The following MYO16 variants were observed in gnomAD, a reference collection of about 807,000 sequenced individuals.
The protein encoded by MYO16 is myosin XVI.
In MYO16, 94 loss-of-function variants were observed where a neutral mutation model predicts 205.3. The observed-to-expected ratio is 0.46, with a 90% CI of 0.39 to 0.54. The LOEUF (loss-of-function observed/expected upper bound fraction) is 0.54. Ranked by LOEUF, MYO16 falls within the 20% of genes least tolerant of loss-of-function variation. The pLI is 0.00. For missense variants in MYO16, 2,315 were observed against 2,387.5 expected (o/e 0.97, Z 0.63); for synonymous variants, 988 against 954.0 (o/e 1.04, Z -0.66).
chr13:108,909,088 A>C (rs569544676), intron 15 of MYO16, among the ~76,000 whole-genome samples: 42 of 152,290 alleles, frequency 2.8e-4, no homozygotes, highest in African/African-American at 9.1e-4. Flanking sequence ...CAAATGCTCC[A>C]GAAACAATGA....
chr13:108,521,192 C>T, the MYO16 span, among the ~76,000 whole-genome samples: 1 of 152,200 alleles, frequency 6.6e-6, no homozygotes, highest in African/African-American at 2.4e-5. Context: ...GTGTGACAGC[C>T]TATCTCAGGA....
rs1014132365 is a variant in MYO16 at position 109,162,226 on chromosome 13, CAGTTGTGA to C, written c.5165-2674_5165-2667del. On this transcript the variant is annotated intron_variant, in intron 32 of 34. Coordinates refer to ENST00000457511, the MANE Select transcript of MYO16 (RefSeq NM_001198950.3). This position sits in a 1 kb window ranked among gnomAD's most constrained non-coding sequence, Gnocchi z 4.6. ...ATACATCAGTTGATGAGATAGAAAT[CAGTTGTGA>C]GGGAGGCCAGCCTGAAGTACTCAGA... 2.0e-5 allele frequency among the ~76,000 whole-genome samples: 3 copies of C among 152,186 alleles called. No individual in the cohort carries two copies. The highest frequency in any genetic ancestry group is 4.4e-5 in the Non-Finnish European group (3 of 68,030).
At chr13:108,982,308 A>G (rs1884472981) in intron 20 of MYO16, among the ~76,000 whole-genome samples, 1 of 152,178 alleles carries the variant, frequency 6.6e-6, no homozygotes, top group Non-Finnish European at 1.5e-5. Flanking sequence ...TCTAATAACC[A>G]TTTACTATAT....
intron 16 of MYO16, among the ~76,000 whole-genome samples, chr13:108,931,284 A>G (rs762646270): frequency 6.6e-6 from 1 of 152,334 alleles, no homozygotes; most frequent in Non-Finnish European, 1.5e-5. Context: ...ATCCCCTACC[A>G]GTTCCCAGAA....
At chr13:109,022,999 A>T (rs1289326348) in intron 23 of MYO16, among the ~76,000 whole-genome samples, 4 of 134,994 alleles carry the variant, frequency 3.0e-5, no homozygotes, top group African/African-American at 1.1e-4. Flanking sequence ...TTTATATATT[A>T]TATATACACA....
rs529736323 is a variant in MYO16, at chr13:109,112,332, G to A, written c.3439-8038G>A. Reference sequence around the variant, plus strand: ...ATGAGTTAAATTCTAGATTTTAGTCGGTAATAATCCTATATCAGAGGTGAT... The same window carrying A: ...ATGAGTTAAATTCTAGATTTTAGTCAGTAATAATCCTATATCAGAGGTGAT... On this transcript the variant is annotated intron_variant, in intron 28 of 34. Coordinates refer to ENST00000457511, the MANE Select transcript of MYO16 (RefSeq NM_001198950.3). Among the ~76,000 whole-genome samples, 11 of 152,100 alleles carry A rather than the reference G, an allele frequency of 7.2e-5. No homozygotes were observed. In the South Asian group the frequency reaches 1.5e-3, roughly 20 times the overall value.
Position 108,793,577 on chromosome 13 carries a change from T to G in MYO16, c.678T>G (p.Asp226Glu). ...AGAGACCAATGAGTATGTTAACAGA[T>G]GTCAAACACTTCTTATCATCTGGAG... ...KLQRPMSMLT[D>E]VKHFLSSGGN... The change falls in exon 6 of 35, where the codon GAT becomes GAG. Residue 226 changes from aspartate (D) to glutamate (E), a missense_variant. Asp to Glu is a conservative substitution (Grantham distance 45, BLOSUM62 2). This residue lies in a region of MYO16 where 1,213 missense variants were observed against 1,274.4 expected (regional missense o/e 0.95). Transcript: ENST00000457511. 1 of 1,613,764 alleles carries G rather than the reference T, an allele frequency of 6.2e-7. No homozygotes were observed. The highest frequency in any genetic ancestry group is 8.5e-7 in the Non-Finnish European group (1 of 1,179,688).
At chr13:109,053,090 A>C (rs1887300049) in intron 25 of MYO16, among the ~76,000 whole-genome samples, 1 of 152,154 alleles carries the variant, frequency 6.6e-6, no homozygotes, top group South Asian at 2.1e-4. Flanking sequence ...GGAATGTTTT[A>C]GGTTTCTTCA....
chr13:108,823,143 T>C lies in MYO16; in HGVS notation c.962T>C (p.Phe321Ser), dbSNP rs1274678178. The change falls in exon 9 of 35, where the codon TTT becomes TCT. Residue 321 changes from phenylalanine (F) to serine (S), a missense_variant. By Grantham distance (155) the Phe-to-Ser change is radical. Transcript: ENST00000457511. ...EKASDIAASE[F>S]IEEMLLKAEI... is the part of the protein sequence containing the mutation. ...CTTGTAGATATTGCTGCCTCTGAGTTTATTGAGGAAATGCTGCTGAAAGCC... is the reference window on the plus strand; with the variant it reads ...CTTGTAGATATTGCTGCCTCTGAGTCTATTGAGGAAATGCTGCTGAAAGCC... 1 of 1,611,258 alleles carries C rather than the reference T, an allele frequency of 6.2e-7. No individual in the cohort carries two copies. Among genetic ancestry groups the C allele is most frequent in the Non-Finnish European group, 8.5e-7 (1 of 1,179,364 alleles).
At position 109,127,502 on chromosome 13, in the gene MYO16, G is replaced by A; in HGVS notation, c.4003G>A (p.Glu1335Lys). 2 of 1,613,250 alleles carry A rather than the reference G, an allele frequency of 1.2e-6. No individual in the cohort carries two copies. Among genetic ancestry groups the A allele is most frequent in the Non-Finnish European group, 8.5e-7 (1 of 1,179,918 alleles). Residue 1335 changes from glutamate to lysine, a missense_variant, in exon 31 of 35, where the codon GAG becomes AAG. This residue lies in a region of MYO16 where 1,097 missense variants were observed against 1,092.0 expected (regional missense o/e 1.00). Transcript: ENST00000457511. This position sits in a 1 kb window ranked among gnomAD's most constrained non-coding sequence, Gnocchi z 4.2. The stretch of plus-strand genomic sequence containing the variant: ...CAACACCCGGCTGAGTGCTTCCTAT[G>A]AGGCTGTGAGCGCCTGCCTCTCCGC... ...DPNTRLSASYEAVSACLSAAR... is the reference protein window; with the variant it reads ...DPNTRLSASYKAVSACLSAAR...
intron 22 of MYO16, among the ~76,000 whole-genome samples, chr13:109,010,185 A>G (rs750503661): frequency 6.6e-6 from 1 of 152,154 alleles, no homozygotes. Flanking sequence ...AACTATGACA[A>G]CCTTTCACAT....
At chr13:108,728,784 C>T (rs1217595909) in intron 4 of MYO16, among the ~76,000 whole-genome samples, 3 of 149,016 alleles carry the variant, frequency 2.0e-5, no homozygotes, top group African/African-American at 5.0e-5. Flanking sequence ...CCAATAAGAT[C>T]GCATCTACAC....
At chr13:108,509,880 G>A in the MYO16 span, among the ~76,000 whole-genome samples, 16 of 151,726 alleles carry the variant, frequency 1.1e-4, no homozygotes, top group Admixed American at 6.6e-5. Context: ...TTCTTCCCCC[G>A]CCCAACCCCA....
chr13:108,884,497 C>T (rs1879765893), intron 13 of MYO16, among the ~76,000 whole-genome samples: 1 of 151,918 alleles, frequency 6.6e-6, no homozygotes, highest in Non-Finnish European at 1.5e-5. Flanking sequence ...CAGGGAATTC[C>T]ACCCATTGTA....
intron 21 of MYO16, among the ~76,000 whole-genome samples, chr13:109,000,152 C>T (rs1033115701): frequency 3.9e-5 from 6 of 152,068 alleles, no homozygotes; most frequent in Non-Finnish European, 8.8e-5. Flanking sequence ...ATTTTAATGA[C>T]CAGGAAAAGG....
chr13:108,508,713 G>A, the MYO16 span, among the ~76,000 whole-genome samples: 4 of 152,060 alleles, frequency 2.6e-5, no homozygotes, highest in Non-Finnish European at 2.9e-5. Context: ...AGGGAGGGAC[G>A]GTAGAATGTA....
intron 13 of MYO16, 122 bp from the exon 14 acceptor site, chr13:108,888,250 C>CT: frequency 3.2e-6 from 2 of 622,890 alleles, no homozygotes; most frequent in Middle Eastern, 4.0e-4. Flanking sequence ...ATTTCTGTGT[C>CT]TGAGAAATAT....
At chr13:108,990,670 TTTC>T (rs1884797998) in intron 20 of MYO16, among the ~76,000 whole-genome samples, 3 of 152,212 alleles carry the variant, frequency 2.0e-5, no homozygotes, top group Admixed American at 6.5e-5. Flanking sequence ...TATTGAATGA[TTTC>T]TTTTTTTCTC....
At chr13:108,917,902 TTTTCTC>T (rs1881568867) in intron 16 of MYO16, among the ~76,000 whole-genome samples, 1 of 152,250 alleles carries the variant, frequency 6.6e-6, no homozygotes, top group South Asian at 2.1e-4. Context: ...TTCTCATAGA[TTTTCTC>T]TTTGTCTACT....
Sources: gnomAD v4.1 joint callset for allele counts (sites outside exome capture counted in the v4.1 genomes callset) on GRCh38, gnomAD v4.1.1 for gene constraint, gnomAD v4.1.1 regional missense constraint, Gnocchi (gnomAD v3.1) non-coding constraint, MANE v1.5 for transcripts, NCBI Gene and HGNC (gene_info 2026-07-23, HGNC 2026-07-21) for gene names.